Variants in CWF19L2 observed in about 807,000 individuals in gnomAD.
The protein encoded by CWF19L2 is CWF19 like cell cycle control factor 2, also known as CWF19-like protein 2.
In CWF19L2, 98 loss-of-function variants were observed where a neutral mutation model predicts 111.7. The ratio of observed to expected loss-of-function variants is 0.88; its 90% CI spans 0.75 to 1.04. CWF19L2 has a LOEUF of 1.04. Ranked by LOEUF, CWF19L2 falls within the 50% of genes least tolerant of loss-of-function variation. The pLI is 0.00. For missense variants in CWF19L2, 1,101 were observed against 1,051.4 expected (o/e 1.05, Z -0.65); for synonymous variants, 351 against 342.9 (o/e 1.02, Z -0.26).
intron 1 of CWF19L2, among the ~76,000 whole-genome samples, chr11:107,457,101 A>C (rs551447892): frequency 1.2e-4 from 18 of 152,240 alleles, no homozygotes; most frequent in Non-Finnish European, 2.1e-4. Flanking sequence ...ATAATTCAGA[A>C]GCTTACTTTC....
chr11:107,421,602 C>G (rs899915131), intron 8 of CWF19L2, among the ~76,000 whole-genome samples: 2 of 151,964 alleles, frequency 1.3e-5, no homozygotes, highest in African/African-American at 4.8e-5. Context: ...GAGAGATGTT[C>G]GGCATCAGTA....
In CWF19L2 at chr11:107,338,870, A is replaced by C. The variant is rs548770034; in HGVS notation, c.2203-2157T>G. 2.6e-5 allele frequency among the ~76,000 whole-genome samples: 4 copies of C among 152,322 alleles called. No homozygotes were observed. The South Asian group carries it at 6.2e-4, about 24-fold the overall frequency. On this transcript the variant is annotated intron_variant, in intron 14 of 17. Transcript: ENST00000282251. The stretch of plus-strand genomic sequence containing the variant: ...TGTTTGCTATTGTGAATAGTGCTGC[A>C]ATGAACACATGTGTGCATGTATCTT...
chr11:107,439,034 C>T (rs1338552549), intron 6 of CWF19L2, 56 bp downstream of exon 6: 5 of 303,600 alleles, frequency 1.6e-5, no homozygotes, highest in South Asian at 3.4e-5. Context: ...GACTCTGTCT[C>T]GAAAAAAAAA....
At chr11:107,457,606 G>A (rs1411549875) in intron 1 of CWF19L2, 106 bp downstream of exon 1, 1 of 761,176 alleles carries the variant, frequency 1.3e-6, no homozygotes, top group East Asian at 2.7e-5. Context: ...AAATTAAGGT[G>A]AGATTCAGTA....
At chr11:107,410,952 C>T (rs1861147471) in intron 10 of CWF19L2, among the ~76,000 whole-genome samples, 1 of 151,996 alleles carries the variant, frequency 6.6e-6, no homozygotes, top group African/African-American at 2.4e-5. Flanking sequence ...CATAGCAAAC[C>T]TTAGTCAAAA....
chr11:107,365,051 T>C lies in CWF19L2; in HGVS notation c.1873-11315A>G, dbSNP rs1415340793. The stretch of plus-strand genomic sequence containing the variant: ...TCAGAGAATACTACAAACACCTCTA[T>C]GCAAATAAACTAGAAAATCTAGAAG... On this transcript the variant is annotated intron_variant, in intron 12 of 17. Coordinates refer to ENST00000282251, the MANE Select transcript of CWF19L2 (RefSeq NM_152434.3). Among the ~76,000 whole-genome samples the C allele has an allele frequency of 2.5e-3, 288 of 116,464 alleles. 2 individuals are homozygous for C. The highest frequency in any genetic ancestry group is 8.4e-3 in the African/African-American group (226 of 26,788). 76.4% of individuals were successfully genotyped at this position (116,464 alleles called of 152,430 possible). A position where few individuals can be genotyped will look rare whatever the true frequency, so the allele number is the denominator to read the frequency against.
In CWF19L2 at chr11:107,353,744, A is replaced by G. The variant is rs201842932; in HGVS notation, c.1873-8T>C. On this transcript the variant is annotated splice_polypyrimidine_tract_variant and splice_region_variant and intron_variant, in intron 12 of 17. Transcript: ENST00000282251. ...ATCTGTTTTTCCCATAAACTGAAAA[A>G]CCAAAATAACAGTAATAGAGAGTAG... 1.2e-6 allele frequency: 2 copies of G among 1,610,260 alleles called. No individual in the cohort carries two copies. The highest frequency in any genetic ancestry group is 2.2e-5 in the East Asian group (1 of 44,850).
At chr11:107,397,723 G>A (rs1860944683) in intron 10 of CWF19L2, among the ~76,000 whole-genome samples, 1 of 152,162 alleles carries the variant, frequency 6.6e-6, no homozygotes, top group Non-Finnish European at 1.5e-5. Flanking sequence ...GCACAAAAAT[G>A]GAGAATTAAA....
At chr11:107,382,981 C>T (rs997599185) in intron 12 of CWF19L2, among the ~76,000 whole-genome samples, 2 of 152,254 alleles carry the variant, frequency 1.3e-5, no homozygotes, top group Non-Finnish European at 2.9e-5. Flanking sequence ...TACCTGAACA[C>T]GTAGAGGTTC....
intron 12 of CWF19L2, among the ~76,000 whole-genome samples, chr11:107,382,782 A>G (rs1446726487): frequency 1.3e-5 from 2 of 152,196 alleles, no homozygotes; most frequent in South Asian, 2.1e-4. Context: ...GGCCTCAGGA[A>G]ACAGAGTCTC....
intron 6 of CWF19L2, among the ~76,000 whole-genome samples, chr11:107,434,082 C>G (rs1015242143): frequency 6.6e-6 from 1 of 151,250 alleles, no homozygotes; most frequent in Non-Finnish European, 1.5e-5. Context: ...ATAATGGACT[C>G]TAGAAAGTAG....
intron 10 of CWF19L2, chr11:107,403,970 A>G: frequency 1.1e-6 from 1 of 875,278 alleles, no homozygotes; most frequent in East Asian, 2.4e-5. Flanking sequence ...TGTTGCGACA[A>G]CTGACCGAAC....
At chr11:107,383,591 A>T (rs555700677) in intron 12 of CWF19L2, among the ~76,000 whole-genome samples, 1 of 152,310 alleles carries the variant, frequency 6.6e-6, no homozygotes, top group Admixed American at 6.5e-5. Context: ...CCCCTATACA[A>T]ACACAATTAA....
chr11:107,436,497 G>C (rs1861543560), intron 6 of CWF19L2, among the ~76,000 whole-genome samples: 1 of 152,134 alleles, frequency 6.6e-6, no homozygotes, highest in Non-Finnish European at 1.5e-5. Flanking sequence ...CTAGATTTTA[G>C]TCTTGCTGCT....
At chr11:107,364,561 TC>T (rs1439252689) in intron 12 of CWF19L2, among the ~76,000 whole-genome samples, 14 of 142,092 alleles carry the variant, frequency 9.9e-5, no homozygotes, top group Non-Finnish European at 2.0e-4. Context: ...AACAACCTGC[TC>T]CTGAATGACT....
chr11:107,354,883 T>C (rs866340484), intron 12 of CWF19L2, among the ~76,000 whole-genome samples: 1 of 152,206 alleles, frequency 6.6e-6, no homozygotes, highest in African/African-American at 2.4e-5. Context: ...TCTACTCATT[T>C]TTCAATACTA....
intron 12 of CWF19L2, among the ~76,000 whole-genome samples, chr11:107,369,326 T>A (rs1430281791): frequency 1.5e-5 from 2 of 137,604 alleles, no homozygotes; most frequent in African/African-American, 5.8e-5. Context: ...GAATTATGTA[T>A]AATATAAAAG....
chr11:107,336,565 T>C lies in CWF19L2; in HGVS notation c.2351A>G (p.Tyr784Cys), dbSNP rs371421913. The change falls in exon 15 of 18, where the codon TAT becomes TGT. Residue 784 changes from tyrosine (Y) to cysteine (C), a missense_variant. Physicochemically the swap from Tyr to Cys is radical, Grantham distance 194 (BLOSUM62 -2). Coordinates refer to ENST00000282251, the MANE Select transcript of CWF19L2 (RefSeq NM_152434.3). Reference protein sequence around the residue: ...PKEVGDMAPIYFKKAIMESDE... With the variant: ...PKEVGDMAPICFKKAIMESDE... ...AAGACTACTTATAAACACCTTAAAATAGATGGGAGCCATGTCACCCACTTC... is the reference window on the plus strand; with the variant it reads ...AAGACTACTTATAAACACCTTAAAACAGATGGGAGCCATGTCACCCACTTC... The C allele has an allele frequency of 4.3e-5, 69 of 1,599,958 alleles. 1 individual carries two copies. The African/African-American group carries it at 8.1e-4, about 19-fold the overall frequency.
chr11:107,373,587 C>A (rs1314796893), intron 12 of CWF19L2, among the ~76,000 whole-genome samples: 5 of 119,632 alleles, frequency 4.2e-5, no homozygotes, highest in Non-Finnish European at 9.1e-5. Context: ...AAACTAACAA[C>A]AGAAAGGACA....
Sources: allele counts gnomAD v4.1 joint callset (sites outside exome capture counted in the v4.1 genomes callset), GRCh38; gene constraint gnomAD v4.1.1; transcripts MANE v1.5; gene names NCBI Gene and HGNC (gene_info 2026-07-23, HGNC 2026-07-21).